The following ZNF704 variants were observed in gnomAD, a reference collection of about 807,000 sequenced individuals.
ZNF704 encodes the protein glucocorticoid induced gene 1.
A neutral mutation model predicts 44.7 loss-of-function variants in ZNF704; 10 were observed. That is an observed-to-expected ratio of 0.22 (90% CI 0.14 to 0.38). ZNF704 has a LOEUF of 0.38. ZNF704 is among the 10% of genes least tolerant of loss of function. The pLI, the probability that ZNF704 is intolerant of heterozygous loss-of-function variation, is 1.00. For synonymous variants in ZNF704, 211 were observed against 207.6 expected, an observed-to-expected ratio of 1.02 and a Z score of -0.14; for missense variants, 390 against 545.5, an observed-to-expected ratio of 0.71 and a Z score of 2.84.
At chr8:80,700,683 G>A (rs1818795029) in intron 2 of ZNF704, among the ~76,000 whole-genome samples, 1 of 152,190 alleles carries the variant, frequency 6.6e-6, no homozygotes, top group Non-Finnish European at 1.5e-5. Flanking sequence ...AGTTGGGGGT[G>A]ATTAGATGAA....
intron 1 of ZNF704, among the ~76,000 whole-genome samples, chr8:80,825,558 G>C (rs1274686611): frequency 6.6e-6 from 1 of 152,142 alleles, no homozygotes; most frequent in Admixed American, 6.5e-5. Flanking sequence ...ATTGAACTCA[G>C]CTCTGCACCA....
rs185998418 is a variant in ZNF704, at chr8:80,633,273, G to A, written c.*8093C>T. On this transcript the variant is annotated 3_prime_UTR_variant, in exon 9 of 9. Coordinates refer to ENST00000327835, the MANE Select transcript of ZNF704 (RefSeq NM_001033723.3). Reference sequence around the variant, plus strand: ...ACTTAAGTTTATATACATAGCAAATGTTGTATGCTAGCAGCAAAATAAATT... The same window carrying A: ...ACTTAAGTTTATATACATAGCAAATATTGTATGCTAGCAGCAAAATAAATT... 1 of 152,276 alleles carries A rather than the reference G, an allele frequency of 6.6e-6. No homozygotes were observed. Among genetic ancestry groups the A allele is most frequent in the Admixed American group, 6.5e-5 (1 of 15,302 alleles). 9.4% of individuals were successfully genotyped at this position (152,276 alleles called of 1,614,324 possible). A position where few individuals can be genotyped will look rare whatever the true frequency, so the allele number is the denominator to read the frequency against.
At chr8:80,823,720 A>C (rs1281748123) in intron 1 of ZNF704, among the ~76,000 whole-genome samples, 1 of 152,124 alleles carries the variant, frequency 6.6e-6, no homozygotes, top group Non-Finnish European at 1.5e-5. Context: ...TCTGAGACGA[A>C]GCTTCCAGAG....
intron 1 of ZNF704, among the ~76,000 whole-genome samples, chr8:80,863,010 A>G (rs1809095115): frequency 6.6e-6 from 1 of 151,408 alleles, no homozygotes; most frequent in African/African-American, 2.4e-5. Flanking sequence ...GTGTTTGTTC[A>G]GTGTTTACAT....
Position 80,874,128 on chromosome 8 carries a change from C to T in ZNF704, c.-22+443G>A, listed in dbSNP as rs1156307314. 6.8e-6 allele frequency among the ~76,000 whole-genome samples: 1 copy of T among 146,876 alleles called. No homozygotes were observed. The highest frequency in any genetic ancestry group is 2.4e-5 in the African/African-American group (1 of 40,934). On this transcript the variant is annotated intron_variant, in intron 1 of 8. Coordinates refer to ENST00000327835, the MANE Select transcript of ZNF704 (RefSeq NM_001033723.3). The surrounding 1 kb of genome is among the most constrained non-coding windows in gnomAD (Gnocchi z 4.4). ...CCTCCTCTGCCTCCGCCGGTGGCCGCAGGGCCGGGGACTCGCGGCCGCAAG... is the reference window on the plus strand; with the variant it reads ...CCTCCTCTGCCTCCGCCGGTGGCCGTAGGGCCGGGGACTCGCGGCCGCAAG...
chr8:80,652,578 T>C (rs1015018002), intron 7 of ZNF704, among the ~76,000 whole-genome samples: 161 of 152,202 alleles, frequency 1.1e-3, no homozygotes, highest in Non-Finnish European at 1.8e-3. Context: ...AAGAAATGGA[T>C]AAATTCCTCG....
Position 80,641,345 on chromosome 8 carries a change from G to A in ZNF704, c.*21C>T. ...GGGCAGGAGCGGCTCAGGGCCCTGA[G>A]CCCCTCTGCCTGGGGGTCTCTCAGT... On this transcript the variant is annotated 3_prime_UTR_variant, in exon 9 of 9. Coordinates refer to ENST00000327835, the MANE Select transcript of ZNF704 (RefSeq NM_001033723.3). The A allele has an allele frequency of 1.3e-6, 2 of 1,559,806 alleles. No individual in the cohort carries two copies. Among genetic ancestry groups the A allele is most frequent in the South Asian group, 1.2e-5 (1 of 84,762 alleles).
At chr8:80,853,630 A>C (rs766312315) in intron 1 of ZNF704, among the ~76,000 whole-genome samples, 1 of 152,226 alleles carries the variant, frequency 6.6e-6, no homozygotes, top group Non-Finnish European at 1.5e-5. Flanking sequence ...CAGTAGAAAG[A>C]ACAAACAGAA....
intron 7 of ZNF704, among the ~76,000 whole-genome samples, chr8:80,657,778 C>T (rs556350049): frequency 1.0e-4 from 15 of 150,632 alleles, no homozygotes; most frequent in East Asian, 9.7e-4. Flanking sequence ...ATCATATATA[C>T]GGAATGTTTT....
chr8:80,804,162 A>T (rs1586039603), intron 2 of ZNF704, among the ~76,000 whole-genome samples: 1 of 152,124 alleles, frequency 6.6e-6, no homozygotes, highest in African/African-American at 2.4e-5. Context: ...ATGGCTATTA[A>T]AAAGTTAAAG....
At chr8:80,775,841 A>G (rs1807401623) in intron 2 of ZNF704, among the ~76,000 whole-genome samples, 1 of 152,208 alleles carries the variant, frequency 6.6e-6, no homozygotes, top group African/African-American at 2.4e-5. Flanking sequence ...AGACTGCATT[A>G]AATTATTTAT....
chr8:80,824,312 G>GA (rs1383604703), intron 1 of ZNF704, among the ~76,000 whole-genome samples: 5 of 151,856 alleles, frequency 3.3e-5, no homozygotes, highest in Non-Finnish European at 7.4e-5. Flanking sequence ...TGATCAAGTG[G>GA]AAAAAAGGGT....
chr8:80,729,322 G>A (rs1257251525), intron 2 of ZNF704, among the ~76,000 whole-genome samples: 1 of 152,138 alleles, frequency 6.6e-6, no homozygotes, highest in Non-Finnish European at 1.5e-5. Context: ...AAAGCCGGGT[G>A]GCCTCAGATA....
intron 1 of ZNF704, among the ~76,000 whole-genome samples, chr8:80,837,115 C>T (rs921652096): frequency 6.6e-6 from 1 of 152,114 alleles, no homozygotes; most frequent in Non-Finnish European, 1.5e-5. Flanking sequence ...TGCCAAGTTC[C>T]TAGGGCTGCA....
chr8:80,853,741 C>T (rs1808911419), intron 1 of ZNF704, among the ~76,000 whole-genome samples: 1 of 151,320 alleles, frequency 6.6e-6, no homozygotes, highest in Admixed American at 6.6e-5. Flanking sequence ...TTCATTGAAA[C>T]ATTTATCAAG....
chr8:80,649,351 C>T lies in ZNF704; in HGVS notation c.1033-6222G>A, dbSNP rs371612609. Among the ~76,000 whole-genome samples the T allele has an allele frequency of 1.2e-4, 19 of 152,204 alleles. 1 individual carries two copies. The South Asian group carries it at 2.1e-3, about 17-fold the overall frequency. On this transcript the variant is annotated intron_variant, in intron 7 of 8. Transcript: ENST00000327835. ...TGGGTGCAGCACACCGAGTGTGAGCCGAAGCAGGATGAGGCATCGCCTCAC... is the reference window on the plus strand; with the variant it reads ...TGGGTGCAGCACACCGAGTGTGAGCTGAAGCAGGATGAGGCATCGCCTCAC...
At chr8:80,716,224 G>C (rs1585976638) in intron 2 of ZNF704, among the ~76,000 whole-genome samples, 1 of 152,160 alleles carries the variant, frequency 6.6e-6, no homozygotes, top group Non-Finnish European at 1.5e-5. Context: ...CCACGTACAG[G>C]AGCATTAAAT....
intron 2 of ZNF704, among the ~76,000 whole-genome samples, chr8:80,716,208 T>C (rs1027027725): frequency 2.6e-5 from 4 of 152,324 alleles, no homozygotes; most frequent in Middle Eastern, 3.4e-3. Flanking sequence ...TCCTTCATCA[T>C]AGACACCACG....
chr8:80,705,587 T>C (rs1818883286), intron 2 of ZNF704, among the ~76,000 whole-genome samples: 1 of 151,178 alleles, frequency 6.6e-6, no homozygotes, highest in African/African-American at 2.5e-5. Context: ...CCTGTGTGTA[T>C]CCGTGTATGC....
Sources: allele counts gnomAD v4.1 joint callset (sites outside exome capture counted in the v4.1 genomes callset), GRCh38; gene constraint gnomAD v4.1.1; non-coding constraint Gnocchi (gnomAD v3.1); transcripts MANE v1.5; gene names NCBI Gene and HGNC (gene_info 2026-07-23, HGNC 2026-07-21).